The following MCF2L2 variants were observed in gnomAD, a reference collection of about 807,000 sequenced individuals.
The protein encoded by MCF2L2 is probable guanine nucleotide exchange factor MCF2L2.
Under a neutral mutation model 150.2 loss-of-function variants are expected in MCF2L2, and 102 were observed. The observed-to-expected ratio is 0.68, with a 90% CI of 0.58 to 0.80. The LOEUF (loss-of-function observed/expected upper bound fraction) is 0.80. MCF2L2 is among the 30% of genes least tolerant of loss of function. MCF2L2 has a pLI of 0.00. For synonymous variants in MCF2L2, 465 were observed against 491.3 expected (o/e 0.95, Z 0.71); for missense variants, 1,256 against 1,372.8 (o/e 0.91, Z 1.34).
chr3:183,338,847 C>T lies in MCF2L2; in HGVS notation c.439G>A (p.Asp147Asn). The change falls in exon 5 of 30, where the codon GAC becomes AAC. Residue 147 changes from aspartate (D) to asparagine (N), a missense_variant. Asp to Asn is a conservative substitution (Grantham distance 23). Coordinates refer to ENST00000328913, the MANE Select transcript of MCF2L2 (RefSeq NM_015078.4). ...TTTCGATAGTATTTAATGCCAATGT[C>T]AGTGAATGTCCTCTGGATAAAGCGA... Reference protein sequence around the residue: ...PSRFIQRTFTDIGIKYYRNEF... With the variant: ...PSRFIQRTFTNIGIKYYRNEF... 1 of 1,607,628 alleles carries T rather than the reference C, an allele frequency of 6.2e-7. No homozygotes were observed.
intron 15 of MCF2L2, among the ~76,000 whole-genome samples, chr3:183,240,168 G>C (rs772279930): frequency 2.6e-5 from 4 of 152,180 alleles, no homozygotes; most frequent in Non-Finnish European, 5.9e-5. Context: ...TGCACTCATA[G>C]AATCTCATCC....
At chr3:183,396,384 G>A (rs1278160383) in intron 1 of MCF2L2, among the ~76,000 whole-genome samples, 1 of 152,170 alleles carries the variant, frequency 6.6e-6, no homozygotes, top group Non-Finnish European at 1.5e-5. Context: ...ATAGCATGAT[G>A]CTGTAGATTC....
intron 14 of MCF2L2, among the ~76,000 whole-genome samples, chr3:183,288,639 G>A (rs1559998993): frequency 6.6e-6 from 1 of 151,786 alleles, no homozygotes; most frequent in South Asian, 2.1e-4. Flanking sequence ...CTGCCACCAC[G>A]CCCATCTAAT....
In MCF2L2 at chr3:183,305,839, A is replaced by G. The variant is rs1729069825; in HGVS notation, c.1113+3877T>C. Among the ~76,000 whole-genome samples, 1 of 152,096 alleles carries G rather than the reference A, an allele frequency of 6.6e-6. No individual in the cohort carries two copies. The highest frequency in any genetic ancestry group is 2.4e-5 in the African/African-American group (1 of 41,392). On this transcript the variant is annotated intron_variant, in intron 10 of 29. Transcript: ENST00000328913. This position sits in a 1 kb window ranked among gnomAD's most constrained non-coding sequence, Gnocchi z 4.1. ...ACTCCAGCCTGGGCGGCAAGAGTGA[A>G]ACTCCGTCTCAAAAAAAAGGGCAAC...
chr3:183,388,649 C>A (rs1275794154), intron 2 of MCF2L2, among the ~76,000 whole-genome samples: 1 of 152,166 alleles, frequency 6.6e-6, no homozygotes. Context: ...ATTTATGGAG[C>A]TTTCAGTGAC....
At chr3:183,246,474 C>T (rs746313376) in intron 15 of MCF2L2, among the ~76,000 whole-genome samples, 3 of 152,160 alleles carry the variant, frequency 2.0e-5, no homozygotes, top group Non-Finnish European at 2.9e-5. Context: ...TTTCACGTAG[C>T]GTAATGCTTT....
intron 1 of MCF2L2, among the ~76,000 whole-genome samples, chr3:183,418,975 C>A (rs1715737706): frequency 6.6e-6 from 1 of 152,262 alleles, no homozygotes; most frequent in East Asian, 1.9e-4. Flanking sequence ...ACTGCCCTAG[C>A]AGAGATTCTC....
At chr3:183,350,661 T>C (rs947201971) in intron 3 of MCF2L2, among the ~76,000 whole-genome samples, 3 of 152,120 alleles carry the variant, frequency 2.0e-5, no homozygotes, top group Non-Finnish European at 4.4e-5. Context: ...TCCCAGCACT[T>C]TGGGAGGCCG....
At chr3:183,369,053 G>C (rs922910474) in intron 3 of MCF2L2, among the ~76,000 whole-genome samples, 8 of 152,192 alleles carry the variant, frequency 5.3e-5, no homozygotes, top group African/African-American at 1.9e-4. Context: ...CAATAGAATA[G>C]TAAATAATAG....
intron 3 of MCF2L2, among the ~76,000 whole-genome samples, chr3:183,356,234 G>A (rs1375564377): frequency 3.3e-5 from 5 of 149,594 alleles, no homozygotes; most frequent in Non-Finnish European, 7.4e-5. Context: ...AAAAAGTATT[G>A]CCGGGCATTG....
intron 1 of MCF2L2, among the ~76,000 whole-genome samples, chr3:183,406,601 G>A (rs1446138138): frequency 6.6e-6 from 1 of 152,078 alleles, no homozygotes; most frequent in Non-Finnish European, 1.5e-5. Flanking sequence ...CGATTCTCCT[G>A]CCTCAGCCTC....
At chr3:183,192,325 G>T (rs1721926202) in intron 27 of MCF2L2, among the ~76,000 whole-genome samples, 1 of 152,062 alleles carries the variant, frequency 6.6e-6, no homozygotes. Context: ...TTTTAGTAGA[G>T]ACAAGGTTTC....
chr3:183,222,578 A>G (rs1245550388), intron 20 of MCF2L2, among the ~76,000 whole-genome samples: 1 of 152,088 alleles, frequency 6.6e-6, no homozygotes, highest in East Asian at 1.9e-4. Flanking sequence ...GAAAAAAGAA[A>G]TACACGTGGG....
rs1334375128 is a variant in MCF2L2, at chr3:183,309,934, G to A, written c.994-99C>T. 8.4e-6 allele frequency: 12 copies of A among 1,431,326 alleles called. No individual in the cohort carries two copies. The East Asian group carries it at 2.1e-4, about 25-fold the overall frequency. 88.7% of individuals were successfully genotyped at this position (1,431,326 alleles called of 1,614,324 possible). A position where few individuals can be genotyped will look rare whatever the true frequency, so the allele number is the denominator to read the frequency against. ...CAAGAAAACTCAAAATTCCAAAAAGGATTCAAGACTTGTATATATCTATAT... is the reference window on the plus strand; with the variant it reads ...CAAGAAAACTCAAAATTCCAAAAAGAATTCAAGACTTGTATATATCTATAT... On this transcript the variant is annotated intron_variant, in intron 9 of 29. Transcript: ENST00000328913.
At chr3:183,379,898 T>G (rs1226801465) in intron 2 of MCF2L2, among the ~76,000 whole-genome samples, 1 of 151,660 alleles carries the variant, frequency 6.6e-6, no homozygotes. Context: ...TATGTATATA[T>G]ATAGATATAT....
At chr3:183,276,754 G>T in intron 15 of MCF2L2, 118 bp downstream of exon 15, 1 of 692,382 alleles carries the variant, frequency 1.4e-6, no homozygotes, top group Admixed American at 2.8e-5. Context: ...TTAGTATAGA[G>T]GATAAATATT....
At chr3:183,391,545 G>A (rs1044025880) in intron 1 of MCF2L2, among the ~76,000 whole-genome samples, 2 of 152,144 alleles carry the variant, frequency 1.3e-5, no homozygotes, top group African/African-American at 4.8e-5. Context: ...ACAGTGAAAT[G>A]ATATGAAGTC....
chr3:183,216,647 C>G (rs1576930525), intron 21 of MCF2L2, among the ~76,000 whole-genome samples: 2 of 127,500 alleles, frequency 1.6e-5, no homozygotes, highest in Admixed American at 1.7e-4. Context: ...CTCTGTCACC[C>G]AGGCTGGAGT....
At chr3:183,391,095 A>G (rs1354665668) in intron 1 of MCF2L2, among the ~76,000 whole-genome samples, 2 of 152,108 alleles carry the variant, frequency 1.3e-5, no homozygotes, top group Non-Finnish European at 1.5e-5. Context: ...TCAGAAGGTA[A>G]TATTTGGGAA....
Sources: gnomAD v4.1 joint callset for allele counts (sites outside exome capture counted in the v4.1 genomes callset) on GRCh38, gnomAD v4.1.1 for gene constraint, Gnocchi (gnomAD v3.1) non-coding constraint, MANE v1.5 for transcripts, NCBI Gene and HGNC (gene_info 2026-07-23, HGNC 2026-07-21) for gene names.